Variants in GRID1 observed in about 807,000 individuals in gnomAD.
GRID1 encodes glutamate receptor ionotropic, delta-1.
Under a neutral mutation model 98.0 loss-of-function variants are expected in GRID1, and 28 were observed. The observed-to-expected ratio is 0.29, with a 90% CI of 0.21 to 0.39. The LOEUF (loss-of-function observed/expected upper bound fraction) is 0.39, where lower values mean the gene tolerates loss of function less well. GRID1 is among the 10% of genes least tolerant of loss of function. The pLI is 1.00. For synonymous variants in GRID1, 553 were observed against 538.5 expected, an observed-to-expected ratio of 1.03 and a Z score of -0.37; for missense variants, 1,111 against 1,340.5, an observed-to-expected ratio of 0.83 and a Z score of 2.67.
chr10:85,613,160 C>T (rs1842752312), intron 15 of GRID1: 4 of 552,504 alleles, frequency 7.2e-6, no homozygotes, highest in Non-Finnish European at 1.3e-5. Flanking sequence ...TAGATAAATA[C>T]AGGACTTTAG....
intron 12 of GRID1, among the ~76,000 whole-genome samples, chr10:85,673,413 C>A (rs930571465): frequency 2.0e-5 from 3 of 152,120 alleles, no homozygotes; most frequent in Admixed American, 6.5e-5. Context: ...TAAAATGGTA[C>A]CAAACAACAT....
intron 12 of GRID1, among the ~76,000 whole-genome samples, chr10:85,648,791 C>T (rs904434880): frequency 6.6e-6 from 1 of 152,236 alleles, no homozygotes; most frequent in South Asian, 2.1e-4. Context: ...GAGCCATCCG[C>T]ACCCCAGCCT....
At chr10:86,027,365 TG>T (rs934528434) in intron 4 of GRID1, among the ~76,000 whole-genome samples, 2 of 152,258 alleles carry the variant, frequency 1.3e-5, no homozygotes, top group Non-Finnish European at 2.9e-5. Flanking sequence ...CTTTTTTGCC[TG>T]GTTTCTTTCA....
intron 4 of GRID1, among the ~76,000 whole-genome samples, chr10:86,094,648 C>CA (rs35172887): frequency 0.11 from 17,401 of 151,862 alleles, 1,351 homozygotes; most frequent in African/African-American, 0.22. Flanking sequence ...ACAAAGGAGT[C>CA]AAAGACCTCT....
intron 3 of GRID1, among the ~76,000 whole-genome samples, chr10:86,152,505 C>G (rs1475825928): frequency 1.3e-5 from 2 of 152,266 alleles, no homozygotes; most frequent in African/African-American, 4.8e-5. Context: ...GCCCCCATAG[C>G]TGGAGCAGAT....
intron 5 of GRID1, among the ~76,000 whole-genome samples, chr10:85,903,160 C>T (rs1240529368): frequency 6.6e-6 from 1 of 152,144 alleles, no homozygotes; most frequent in Non-Finnish European, 1.5e-5. Context: ...TGTCTAGTGT[C>T]TACATACCAT....
intron 15 of GRID1, among the ~76,000 whole-genome samples, chr10:85,612,426 T>C (rs1320343185): frequency 6.6e-6 from 1 of 152,192 alleles, no homozygotes; most frequent in East Asian, 1.9e-4. Context: ...CCCTGTACTA[T>C]CTGAGCCTCC....
At chr10:86,037,705 G>T (rs1425802019) in intron 4 of GRID1, among the ~76,000 whole-genome samples, 1 of 151,762 alleles carries the variant, frequency 6.6e-6, no homozygotes, top group Non-Finnish European at 1.5e-5. Context: ...TCAAAGAAAT[G>T]GATGCATACA....
intron 8 of GRID1, among the ~76,000 whole-genome samples, chr10:85,801,362 T>C (rs924102466): frequency 5.3e-5 from 8 of 151,896 alleles, no homozygotes; most frequent in Admixed American, 2.6e-4. Flanking sequence ...ACTCGTCTTA[T>C]AAATCCACTA....
intron 3 of GRID1, among the ~76,000 whole-genome samples, chr10:86,184,185 T>C (rs1310698753): frequency 6.6e-6 from 1 of 152,260 alleles, no homozygotes; most frequent in East Asian, 1.9e-4. Context: ...TTCATAAATA[T>C]TTCTCCTCAG....
At chr10:85,845,251 C>T (rs951882161) in intron 8 of GRID1, among the ~76,000 whole-genome samples, 2 of 151,860 alleles carry the variant, frequency 1.3e-5, no homozygotes, top group African/African-American at 4.8e-5. Flanking sequence ...ATATGCAAAC[C>T]CAATTCTATT....
At chr10:85,767,079 G>A (rs1180568953) in intron 8 of GRID1, among the ~76,000 whole-genome samples, 1 of 152,014 alleles carries the variant, frequency 6.6e-6, no homozygotes, top group African/African-American at 2.4e-5. Flanking sequence ...ATAATTTCTT[G>A]GGAATGAACA....
At chr10:85,758,475 T>A (rs1564581369) in intron 8 of GRID1, among the ~76,000 whole-genome samples, 4 of 152,174 alleles carry the variant, frequency 2.6e-5, no homozygotes, top group Admixed American at 1.3e-4. Context: ...TCAGTTTTCC[T>A]CCACATAGCT....
chr10:85,730,932 G>A (rs917832755), intron 8 of GRID1, among the ~76,000 whole-genome samples: 2 of 152,152 alleles, frequency 1.3e-5, no homozygotes, highest in Non-Finnish European at 2.9e-5. Flanking sequence ...GCCACAGGCA[G>A]TATATACTGT....
chr10:85,776,931 G>C (rs1842336960), intron 8 of GRID1, among the ~76,000 whole-genome samples: 1 of 152,346 alleles, frequency 6.6e-6, no homozygotes, highest in East Asian at 1.9e-4. Context: ...ACCACAGTGA[G>C]AGGCTAGCAA....
chr10:86,085,756 G>A (rs1416539279), intron 4 of GRID1, among the ~76,000 whole-genome samples: 1 of 152,016 alleles, frequency 6.6e-6, no homozygotes, highest in African/African-American at 2.4e-5. Flanking sequence ...TGCAGGCAGG[G>A]GACATCAGTC....
chr10:85,662,469 C>T (rs555186112), intron 12 of GRID1, among the ~76,000 whole-genome samples: 61 of 152,344 alleles, frequency 4.0e-4, no homozygotes, highest in Admixed American at 3.3e-3. Flanking sequence ...AGCAACGCGG[C>T]TGTGGGTGGA....
At chr10:85,790,625 C>T (rs1282540807) in intron 8 of GRID1, among the ~76,000 whole-genome samples, 1 of 152,172 alleles carries the variant, frequency 6.6e-6, no homozygotes, top group Non-Finnish European at 1.5e-5. Context: ...CAGGCCCTGT[C>T]CTGAGTCAGA....
chr10:85,797,609 ATTT>A (rs746153179), intron 8 of GRID1, among the ~76,000 whole-genome samples: 46 of 118,000 alleles, frequency 3.9e-4, no homozygotes, highest in African/African-American at 1.3e-3. Flanking sequence ...CTAAATCTGT[ATTT>A]TTTTTTTTTT....
Sources: gnomAD v4.1 joint callset for allele counts (sites outside exome capture counted in the v4.1 genomes callset) on GRCh38, gnomAD v4.1.1 for gene constraint, MANE v1.5 for transcripts, NCBI Gene and HGNC (gene_info 2026-07-23, HGNC 2026-07-21) for gene names.